Variants in MCC observed in about 807,000 individuals in gnomAD.
MCC encodes the protein MCC regulator of Wnt signaling pathway, also known as colorectal mutant cancer protein.
In MCC, 90 loss-of-function variants were observed where a neutral mutation model predicts 116.2. That is an observed-to-expected ratio of 0.77 (90% confidence interval 0.65 to 0.92). The LOEUF is 0.92. MCC is among the 40% of genes least tolerant of loss of function. MCC has a pLI of 0.00. For missense variants in MCC, 1,516 were observed against 1,312.2 expected (o/e 1.16, Z -2.40); for synonymous variants, 578 against 510.5 (o/e 1.13, Z -1.78).
chr5:113,376,375 G>C (rs1018533639), intron 2 of MCC, among the ~76,000 whole-genome samples: 1 of 152,124 alleles, frequency 6.6e-6, no homozygotes, highest in African/African-American at 2.4e-5. Flanking sequence ...TGCCCAACAT[G>C]CATAATTGAG....
At chr5:113,475,484 C>T (rs768091360) in intron 1 of MCC, among the ~76,000 whole-genome samples, 11 of 152,068 alleles carry the variant, frequency 7.2e-5, no homozygotes, top group South Asian at 2.1e-4. Flanking sequence ...TTAGAGTCAT[C>T]GATAATCAAT....
intron 8 of MCC, among the ~76,000 whole-genome samples, chr5:113,087,966 C>A (rs79718044): frequency 0.054 from 8,166 of 152,234 alleles, 276 homozygotes; most frequent in East Asian, 0.11. Context: ...TATGTTCTTT[C>A]TTACTCTACA....
intron 3 of MCC, among the ~76,000 whole-genome samples, chr5:113,181,249 A>T (rs1761612533): frequency 6.6e-6 from 1 of 152,238 alleles, no homozygotes. Context: ...GGCCTCTTTA[A>T]GACCATTATC....
At position 113,434,827 on chromosome 5, in the gene MCC, C is replaced by T. The variant is rs1387198272; in HGVS notation, c.171-49615G>A. On this transcript the variant is annotated intron_variant, in intron 1 of 18. Coordinates refer to ENST00000408903, the MANE Select transcript of MCC (RefSeq NM_001085377.2). This position sits in a 1 kb window ranked among gnomAD's most constrained non-coding sequence, Gnocchi z 4.2. ...AGGTAGCCTCGTCGCTTGAGGACAGCAGCGTCATCCATGGTGCCAGGAATG... is the reference window on the plus strand; with the variant it reads ...AGGTAGCCTCGTCGCTTGAGGACAGTAGCGTCATCCATGGTGCCAGGAATG... The T allele has an allele frequency of 2.5e-6, 4 of 1,607,274 alleles. No homozygotes were observed. The highest frequency in any genetic ancestry group is 3.3e-5 in the Admixed American group (2 of 59,782).
At chr5:113,337,088 A>C (rs1338459855) in intron 3 of MCC, among the ~76,000 whole-genome samples, 1 of 152,214 alleles carries the variant, frequency 6.6e-6, no homozygotes, top group Non-Finnish European at 1.5e-5. Context: ...CACTGTAGGA[A>C]GAAGGGAACT....
At chr5:113,322,022 G>A (rs1177844942) in intron 3 of MCC, among the ~76,000 whole-genome samples, 1 of 152,104 alleles carries the variant, frequency 6.6e-6, no homozygotes, top group African/African-American at 2.4e-5. Context: ...ACTAGAGACG[G>A]AGTTTCACCT....
chr5:113,443,235 A>G (rs1300494323), intron 1 of MCC, among the ~76,000 whole-genome samples: 1 of 152,068 alleles, frequency 6.6e-6, no homozygotes, highest in Non-Finnish European at 1.5e-5. Context: ...TTGGATTCCT[A>G]GGTATTTTAT....
At chr5:113,102,693 T>C (rs146108569) in intron 7 of MCC, among the ~76,000 whole-genome samples, 2 of 152,358 alleles carry the variant, frequency 1.3e-5, no homozygotes, top group Non-Finnish European at 2.9e-5. Context: ...AAGAAGTCAT[T>C]CTGCTTACTC....
At chr5:113,045,594 G>GT (rs757657082) in intron 16 of MCC, among the ~76,000 whole-genome samples, 12 of 152,130 alleles carry the variant, frequency 7.9e-5, no homozygotes, top group Non-Finnish European at 1.6e-4. Flanking sequence ...GATGTCAGGA[G>GT]TTTGAGACCA....
intron 1 of MCC, among the ~76,000 whole-genome samples, chr5:113,408,770 G>A (rs1008475170): frequency 6.6e-6 from 1 of 152,104 alleles, no homozygotes; most frequent in African/African-American, 2.4e-5. Flanking sequence ...GTTGTTTTGG[G>A]GGTTCTCCTA....
chr5:113,110,272 C>G (rs1022775583), intron 6 of MCC, among the ~76,000 whole-genome samples: 5 of 152,160 alleles, frequency 3.3e-5, no homozygotes, highest in African/African-American at 1.2e-4. Flanking sequence ...AAGGGGAAAA[C>G]ACGGTGACTG....
At position 113,151,289 on chromosome 5, in the gene MCC, A is replaced by C; in HGVS notation, c.741+20T>G. 6.7e-7 allele frequency: 1 copy of C among 1,485,124 alleles called. No individual in the cohort carries two copies. The highest frequency in any genetic ancestry group is 1.2e-5 in the South Asian group (1 of 83,726). 92.0% of individuals were successfully genotyped at this position (1,485,124 alleles called of 1,614,324 possible). A position where few individuals can be genotyped will look rare whatever the true frequency, so the allele number is the denominator to read the frequency against. ...AAACAAAAAACAAAAGCAAACTAAA[A>C]ACCTTTCCAGATCCCTTACCTGTGC... is the stretch of plus-strand genomic sequence containing the variant. On this transcript the variant is annotated intron_variant, in intron 4 of 18. Coordinates refer to ENST00000408903, the MANE Select transcript of MCC (RefSeq NM_001085377.2).
chr5:113,053,831 T>G lies in MCC; in HGVS notation c.2342A>C (p.Glu781Ala). 6.2e-7 allele frequency: 1 copy of G among 1,614,144 alleles called. No individual in the cohort carries two copies. The highest frequency in any genetic ancestry group is 8.5e-7 in the Non-Finnish European group (1 of 1,180,030). ...GCTGAGAGGATCGATGTGGATGCTT[T>G]CCAGCTCCAGCATGGTCAGCTTGAC... ...AAVKLTMLEL[E>A]SIHIDPLSYD... The change falls in exon 15 of 19, where the codon GAA becomes GCA. Residue 781 changes from glutamate (E) to alanine (A), a missense_variant. Glu to Ala is a moderately radical substitution (Grantham distance 107, BLOSUM62 -1). Transcript: ENST00000408903.
chr5:113,267,906 T>C (rs1765477454), intron 3 of MCC, among the ~76,000 whole-genome samples: 1 of 152,196 alleles, frequency 6.6e-6, no homozygotes, highest in African/African-American at 2.4e-5. Flanking sequence ...TTTATATGTC[T>C]TATAAAAAAG....
chr5:113,172,227 G>C (rs1012055398), intron 3 of MCC, among the ~76,000 whole-genome samples: 1 of 152,156 alleles, frequency 6.6e-6, no homozygotes, highest in African/African-American at 2.4e-5. Flanking sequence ...AGGATTCAGA[G>C]GTGACAGCAA....
chr5:113,302,636 G>A (rs1054471684), intron 3 of MCC, among the ~76,000 whole-genome samples: 2 of 152,146 alleles, frequency 1.3e-5, no homozygotes, highest in African/African-American at 4.8e-5. Context: ...AAAATGACAT[G>A]ATGTCTGGGA....
intron 8 of MCC, among the ~76,000 whole-genome samples, chr5:113,092,385 C>A (rs181133349): frequency 1.3e-5 from 2 of 152,324 alleles, no homozygotes; most frequent in African/African-American, 2.4e-5. Flanking sequence ...TTCTCCCCTC[C>A]AGCCTCCAGA....
chr5:113,052,339 T>C (rs749265126), intron 15 of MCC, among the ~76,000 whole-genome samples: 27 of 152,034 alleles, frequency 1.8e-4, no homozygotes, highest in Non-Finnish European at 2.9e-4. Context: ...GCTACAATGA[T>C]GGACCCAAGT....
chr5:113,361,207 C>CT (rs778273494), intron 2 of MCC, among the ~76,000 whole-genome samples: 28 of 150,318 alleles, frequency 1.9e-4, no homozygotes, highest in Non-Finnish European at 3.5e-4. Flanking sequence ...AGTGCCTTAT[C>CT]TTTTTTTTAC....
Sources: allele counts gnomAD v4.1 joint callset (sites outside exome capture counted in the v4.1 genomes callset), GRCh38; gene constraint gnomAD v4.1.1; non-coding constraint Gnocchi (gnomAD v3.1); transcripts MANE v1.5; gene names NCBI Gene and HGNC (gene_info 2026-07-23, HGNC 2026-07-21).